DPF1: variants seen among roughly 807,000 people sequenced by gnomAD.
DPF1 encodes zinc finger protein neuro-d4.
A neutral mutation model predicts 58.7 loss-of-function variants in DPF1; 14 were observed. The ratio of observed to expected loss-of-function variants is 0.24; its 90% CI spans 0.16 to 0.37. The LOEUF (loss-of-function observed/expected upper bound fraction) is 0.37. Among genes scored for constraint, DPF1 ranks in the 10% least tolerant of loss-of-function variants. DPF1 has a pLI of 1.00. For missense variants in DPF1, 345 were observed against 529.9 expected, an observed-to-expected ratio of 0.65 and a Z score of 3.43; for synonymous variants, 216 against 216.0, an observed-to-expected ratio of 1.00 and a Z score of 0.00.
At chr19:38,228,631 C>T (rs1331207733), upstream of DPF1, 1 of 151,884 alleles carries the variant, frequency 6.6e-6, no homozygotes. Context: ...GCTGTCACCG[C>T]CTGGGAACGG....
At chr19:38,227,534 C>T (rs1967882413), upstream of DPF1, among the ~76,000 whole-genome samples, 1 of 152,146 alleles carries the variant, frequency 6.6e-6, no homozygotes, top group Admixed American at 6.6e-5. Flanking sequence ...TCCTCCTGCC[C>T]CATCCCCCAA....
Position 38,211,931 on chromosome 19 carries a change from G to T in DPF1, c.*132C>A, listed in dbSNP as rs1973453778. On this transcript the variant is annotated 3_prime_UTR_variant, in exon 12 of 12. Transcript: ENST00000355526. The surrounding 1 kb of genome is among the most constrained non-coding windows in gnomAD (Gnocchi z 4.0). ...CATTCCACTTGCACAGAGGGGAGGG[G>T]GTGGCCCAGCCCCCTCTCGGCTTCC... 3.1e-6 allele frequency: 3 copies of T among 982,332 alleles called. No individual in the cohort carries two copies. The highest frequency in any genetic ancestry group is 3.2e-5 in the South Asian group (2 of 63,346). The allele number at this position is 982,332 out of a possible 1,614,324, so 60.9% of individuals were successfully genotyped here. A position where few individuals can be genotyped will look rare whatever the true frequency, so the allele number is the denominator to read the frequency against.
Position 38,212,275 on chromosome 19 carries a change from C to T in DPF1, c.1093+5G>A. 6.5e-7 allele frequency: 1 copy of T among 1,527,392 alleles called. No individual in the cohort carries two copies. Among genetic ancestry groups the T allele is most frequent in the Non-Finnish European group, 8.8e-7 (1 of 1,133,860 alleles). 94.6% of individuals were successfully genotyped at this position (1,527,392 alleles called of 1,614,324 possible). A position where few individuals can be genotyped will look rare whatever the true frequency, so the allele number is the denominator to read the frequency against. Reference sequence around the variant, plus strand: ...GCCCCATGGGATGCCCACCTCTCCTCTCACCTTCCGGGGGCTCCGCCATGG... The same window carrying T: ...GCCCCATGGGATGCCCACCTCTCCTTTCACCTTCCGGGGGCTCCGCCATGG... On this transcript the variant is annotated splice_donor_5th_base_variant and intron_variant, in intron 11 of 11. Transcript: ENST00000355526.
chr19:38,224,074 C>T lies in DPF1; in HGVS notation c.29+40G>A. 2.0e-6 allele frequency: 3 copies of T among 1,496,114 alleles called. No homozygotes were observed. The highest frequency in any genetic ancestry group is 2.6e-6 in the Non-Finnish European group (3 of 1,135,952). 92.7% of individuals were successfully genotyped at this position (1,496,114 alleles called of 1,614,324 possible). ...ACACACACACAGGCCCGCGTAGACC[C>T]GCCCGCGCTTCCTCTCCGCCTCCCG... On this transcript the variant is annotated intron_variant, in intron 1 of 11. Coordinates refer to ENST00000355526, the MANE Select transcript of DPF1 (RefSeq NM_001135155.3). The surrounding 1 kb of genome is among the most constrained non-coding windows in gnomAD (Gnocchi z 4.5).
chr19:38,224,291 G>C, upstream of DPF1: 1 of 1,263,072 alleles, frequency 7.9e-7, no homozygotes, highest in Non-Finnish European at 9.9e-7. The surrounding 1 kb of genome is among the most constrained non-coding windows in gnomAD (Gnocchi z 4.5). Flanking sequence ...GGGCCCGCCC[G>C]GGCCATGCTG....
At chr19:38,213,067 A>G (rs972410753) in intron 10 of DPF1, among the ~76,000 whole-genome samples, 2 of 148,812 alleles carry the variant, frequency 1.3e-5, no homozygotes, top group African/African-American at 5.0e-5. Context: ...GGCTCACTGC[A>G]ATCTCCACCT....
chr19:38,225,404 CA>C (rs1363393283), upstream of DPF1, among the ~76,000 whole-genome samples: 2 of 150,682 alleles, frequency 1.3e-5, no homozygotes, highest in African/African-American at 2.4e-5. Flanking sequence ...CCTGTGTCTA[CA>C]AAAAAAAATT....
chr19:38,221,865 T>C (rs574134369), intron 3 of DPF1, among the ~76,000 whole-genome samples: 1 of 152,198 alleles, frequency 6.6e-6, no homozygotes, highest in Non-Finnish European at 1.5e-5. Context: ...CCAGATCACC[T>C]GAGGTCAGGA....
At chr19:38,223,884 C>T (rs1006553699) in intron 1 of DPF1, 4 of 457,556 alleles carry the variant, frequency 8.7e-6, no homozygotes, top group Non-Finnish European at 1.1e-5. Context: ...TCTCCCTTCC[C>T]CAAAAAGAAT....
chr19:38,227,589 A>G (rs1967884409), upstream of DPF1, among the ~76,000 whole-genome samples: 1 of 152,166 alleles, frequency 6.6e-6, no homozygotes. Flanking sequence ...AATTTCATAA[A>G]TCAATATTGA....
At chr19:38,212,834 T>A (rs1474541943) in intron 10 of DPF1, among the ~76,000 whole-genome samples, 1 of 146,540 alleles carries the variant, frequency 6.8e-6, no homozygotes, top group Non-Finnish European at 1.5e-5. Context: ...CAGGCTGGTC[T>A]GGTCTAGAAC....
In DPF1 at chr19:38,222,940, G is replaced by T. The variant is rs991399783; in HGVS notation, c.30-232C>A. ...GCCCCCAGCTCATGAGTAGAAACAC[G>T]ATACAGAAACAAACAAAAACACACC... is the stretch of plus-strand genomic sequence containing the variant. On this transcript the variant is annotated intron_variant, in intron 1 of 11. Transcript: ENST00000355526. This position sits in a 1 kb window ranked among gnomAD's most constrained non-coding sequence, Gnocchi z 4.9. The T allele has an allele frequency of 7.5e-6, 4 of 533,938 alleles. No homozygotes were observed. The African/African-American group carries it at 8.1e-5, about 11-fold the overall frequency. 33.1% of individuals were successfully genotyped at this position (533,938 alleles called of 1,614,324 possible). A position where few individuals can be genotyped will look rare whatever the true frequency, so the allele number is the denominator to read the frequency against.
At chr19:38,224,260 G>A, upstream of DPF1, 2 of 1,262,302 alleles carry the variant, frequency 1.6e-6, no homozygotes, top group East Asian at 3.2e-5. This position sits in a 1 kb window ranked among gnomAD's most constrained non-coding sequence, Gnocchi z 4.5. Flanking sequence ...CGAGGGCCAC[G>A]GCCAATCGCG....
Position 38,229,642 on chromosome 19 carries a change from C to G in DPF1, c.-215G>C, listed in dbSNP as rs1271099130. 5.3e-6 allele frequency: 5 copies of G among 949,856 alleles called. No homozygotes were observed. The highest frequency in any genetic ancestry group is 6.3e-6 in the Non-Finnish European group (5 of 795,134). The allele number at this position is 949,856 out of a possible 1,614,324, so 58.8% of individuals were successfully genotyped here. A position where few individuals can be genotyped will look rare whatever the true frequency, so the allele number is the denominator to read the frequency against. On this transcript the variant is annotated 5_prime_UTR_variant, in exon 1 of 12. Coordinates refer to the DPF1 transcript ENST00000412732. This position sits in a 1 kb window ranked among gnomAD's most constrained non-coding sequence, Gnocchi z 5.3. ...CCCGGGGCGCCGCTGCCGCCGCGCG[C>G]GGGCCCAGCCCGGCCTGCGCCGCCC... is the stretch of plus-strand genomic sequence containing the variant.
chr19:38,217,414 C>T, intron 7 of DPF1, 46 bp downstream of exon 7: 7 of 1,527,750 alleles, frequency 4.6e-6, no homozygotes, highest in Non-Finnish European at 6.2e-6. Context: ...CTCCTCTTCC[C>T]CACTCCCAGG....
At chr19:38,217,012 T>C (rs1433650383) in intron 7 of DPF1, among the ~76,000 whole-genome samples, 1 of 152,188 alleles carries the variant, frequency 6.6e-6, no homozygotes, top group Non-Finnish European at 1.5e-5. Context: ...CTCTGAGAGA[T>C]AGGTGGGAAG....
upstream of DPF1, among the ~76,000 whole-genome samples, chr19:38,229,082 C>A (rs1235307090): frequency 2.6e-5 from 4 of 151,864 alleles, no homozygotes; most frequent in Admixed American, 2.6e-4. The surrounding 1 kb of genome is among the most constrained non-coding windows in gnomAD (Gnocchi z 5.3). Flanking sequence ...TCCCACCCTG[C>A]GGCCGCGAGG....
Position 38,217,743 on chromosome 19 carries a change from G to A in DPF1, c.595+55C>T, listed in dbSNP as rs527478375. On this transcript the variant is annotated intron_variant, in intron 6 of 11. Coordinates refer to ENST00000355526, the MANE Select transcript of DPF1 (RefSeq NM_001135155.3). ...AACGGGAGGGAGAGGGCCACGAGGT[G>A]GGGAGTCTCTGGGCACCCCTCTCTC... The A allele has an allele frequency of 2.8e-5, 45 of 1,609,506 alleles. No homozygotes were observed. In the Admixed American group the frequency reaches 5.4e-4, roughly 19 times the overall value.
rs1967958602 is a variant in DPF1 at position 38,229,454 on chromosome 19, C to T, written c.-132+105G>A. 1 of 625,264 alleles carries T rather than the reference C, an allele frequency of 1.6e-6. No individual in the cohort carries two copies. The highest frequency in any genetic ancestry group is 7.0e-5 in the South Asian group (1 of 14,198). The allele number at this position is 625,264 out of a possible 1,614,324, so 38.7% of individuals were successfully genotyped here. A position where few individuals can be genotyped will look rare whatever the true frequency, so the allele number is the denominator to read the frequency against. ...GTTCGCGCTGGGGGCCCCCATTCAA[C>T]TACGGTCCGCGCGCTGCGTCCCCCT... On this transcript the variant is annotated intron_variant, in intron 1 of 11. Coordinates refer to the DPF1 transcript ENST00000412732. The surrounding 1 kb of genome is among the most constrained non-coding windows in gnomAD (Gnocchi z 5.3).
Sources: allele counts gnomAD v4.1 joint callset (sites outside exome capture counted in the v4.1 genomes callset), GRCh38; gene constraint gnomAD v4.1.1; non-coding constraint Gnocchi (gnomAD v3.1); transcripts MANE v1.5; gene names NCBI Gene and HGNC (gene_info 2026-07-23, HGNC 2026-07-21).